RARB: variants seen among roughly 807,000 people sequenced by gnomAD.
The protein encoded by RARB is HBV-activated protein.
RARB carries 17 observed loss-of-function variants against 51.9 expected under a neutral mutation model. That is an observed-to-expected ratio of 0.33 (90% CI 0.22 to 0.49). RARB has a LOEUF of 0.49. Ranked by LOEUF, RARB falls within the 20% of genes least tolerant of loss-of-function variation. RARB has a pLI of 0.99. For missense variants in RARB, 369 were observed against 550.8 expected, an observed-to-expected ratio of 0.67 and a Z score of 3.30; for synonymous variants, 215 against 195.4, an observed-to-expected ratio of 1.10 and a Z score of -0.84.
chr3:25,447,249 G>A (rs1360113383), intron 1 of RARB, among the ~76,000 whole-genome samples: 3 of 151,498 alleles, frequency 2.0e-5, no homozygotes, highest in Non-Finnish European at 4.4e-5. Context: ...AACACTGATT[G>A]AACTTTTGAT....
chr3:25,180,646 G>C (rs564779782), intron 5 of RARB, among the ~76,000 whole-genome samples: 2 of 152,322 alleles, frequency 1.3e-5, no homozygotes, highest in Admixed American at 1.3e-4. Flanking sequence ...CTTATGCCTT[G>C]TCACTGACGT....
chr3:24,900,279 T>G (rs1302936863), intron 2 of RARB, among the ~76,000 whole-genome samples: 2 of 144,710 alleles, frequency 1.4e-5, no homozygotes, highest in Non-Finnish European at 2.9e-5. Context: ...GAATTGTTTT[T>G]CCTTTGTAAA....
intron 2 of RARB, among the ~76,000 whole-genome samples, chr3:24,876,848 T>C (rs940806213): frequency 5.9e-5 from 9 of 152,182 alleles, no homozygotes; most frequent in African/African-American, 2.2e-4. Context: ...ATTTATCAGA[T>C]ATTTACTATT....
chr3:24,863,673 G>A (rs1025383596), intron 2 of RARB, among the ~76,000 whole-genome samples: 2 of 151,738 alleles, frequency 1.3e-5, no homozygotes, highest in Non-Finnish European at 2.9e-5. Context: ...ACTGACTAGG[G>A]GAGGCGGAAA....
In RARB at chr3:25,037,815, G is replaced by T. The variant is rs147973658; in HGVS notation, c.-379-22310G>T. Reference sequence around the variant, plus strand: ...TGAACTTACAACAGGGAAGTACAAGGTGTCCTTTGTGTTGGGGACCTTAGC... The same window carrying T: ...TGAACTTACAACAGGGAAGTACAAGTTGTCCTTTGTGTTGGGGACCTTAGC... On this transcript the variant is annotated intron_variant, in intron 2 of 11. Transcript: ENST00000383772. Among the ~76,000 whole-genome samples the T allele has an allele frequency of 7.9e-5, 12 of 152,260 alleles. No homozygotes were observed. In the East Asian group the frequency reaches 1.7e-3, roughly 22 times the overall value.
intron 1 of RARB, among the ~76,000 whole-genome samples, chr3:25,451,123 C>G (rs9869928): frequency 0.074 from 11,189 of 152,066 alleles, 582 homozygotes; most frequent in Admixed American, 0.13. Context: ...AAAACCCTGC[C>G]CTAGATTAAG....
In RARB at chr3:25,062,605, T is replaced by C. The variant is rs1283966271; in HGVS notation, c.-328+2429T>C. ...ATAATGAAATATAAGTATTGATACT[T>C]GCTATAACCTGGATAAACCTTGAGA... is the stretch of plus-strand genomic sequence containing the variant. On this transcript the variant is annotated intron_variant, in intron 3 of 11. Coordinates refer to the RARB transcript ENST00000383772. 5.3e-5 allele frequency among the ~76,000 whole-genome samples: 8 copies of C among 152,062 alleles called. No individual in the cohort carries two copies. The South Asian group carries it at 1.2e-3, about 24-fold the overall frequency.
chr3:24,953,483 A>G (rs1269948747), intron 2 of RARB, among the ~76,000 whole-genome samples: 1 of 152,140 alleles, frequency 6.6e-6, no homozygotes, highest in East Asian at 1.9e-4. Flanking sequence ...TTAAGAAAGG[A>G]CTGAGCACTT....
At chr3:25,239,789 T>G (rs372326521) in intron 5 of RARB, among the ~76,000 whole-genome samples, 66 of 152,250 alleles carry the variant, frequency 4.3e-4, no homozygotes, top group African/African-American at 1.4e-3. Context: ...TTCAGGCTCT[T>G]TTTTGGTTCC....
At chr3:25,118,591 C>A (rs1298537177) in intron 3 of RARB, among the ~76,000 whole-genome samples, 2 of 152,050 alleles carry the variant, frequency 1.3e-5, no homozygotes, top group African/African-American at 4.8e-5. Context: ...GGTTATATTC[C>A]TTGAGAAGTA....
chr3:25,535,510 A>G (rs1436091497), intron 3 of RARB, among the ~76,000 whole-genome samples: 3 of 151,066 alleles, frequency 2.0e-5, no homozygotes. Flanking sequence ...TGCTGCACCC[A>G]TCAGCCCCTC....
chr3:25,238,156 C>G (rs74278573), intron 5 of RARB, among the ~76,000 whole-genome samples: 25 of 151,982 alleles, frequency 1.6e-4, no homozygotes, highest in Non-Finnish European at 2.4e-4. Context: ...CAGCGCCCCC[C>G]CACACATCCT....
chr3:25,501,388 C>T, intron 3 of RARB, 65 bp downstream of exon 3: 2 of 1,578,854 alleles, frequency 1.3e-6, no homozygotes, highest in Non-Finnish European at 1.7e-6. Context: ...TCACCTTCCA[C>T]AGTCATGTGG....
At chr3:25,522,582 T>A (rs554969042) in intron 3 of RARB, among the ~76,000 whole-genome samples, 1 of 152,094 alleles carries the variant, frequency 6.6e-6, no homozygotes, top group African/African-American at 2.4e-5. Context: ...CCTGCTTGTT[T>A]GAGAGCAAAT....
chr3:25,575,019 G>A (rs1350767719), intron 4 of RARB, among the ~76,000 whole-genome samples: 1 of 152,142 alleles, frequency 6.6e-6, no homozygotes, highest in Non-Finnish European at 1.5e-5. Context: ...AAACACACCT[G>A]TGCTGCCAGT....
intron 3 of RARB, among the ~76,000 whole-genome samples, chr3:25,102,806 C>T (rs145015291): frequency 1.8e-4 from 28 of 152,218 alleles, no homozygotes; most frequent in Non-Finnish European, 3.8e-4. Context: ...AATCCCAGCA[C>T]TTTGGGAGTC....
intron 5 of RARB, among the ~76,000 whole-genome samples, chr3:25,276,091 C>T (rs1215137145): frequency 6.6e-6 from 1 of 152,164 alleles, no homozygotes; most frequent in East Asian, 1.9e-4. Flanking sequence ...GTGATGTTTA[C>T]ATCATGGGGA....
chr3:24,939,801 AT>A (rs1695621957), intron 2 of RARB, among the ~76,000 whole-genome samples: 1 of 152,214 alleles, frequency 6.6e-6, no homozygotes, highest in Non-Finnish European at 1.5e-5. Flanking sequence ...GCACCCTATA[AT>A]GCATTCTACA....
At chr3:25,113,093 T>A (rs1699630372) in intron 3 of RARB, among the ~76,000 whole-genome samples, 1 of 152,204 alleles carries the variant, frequency 6.6e-6, no homozygotes, top group South Asian at 2.1e-4. Context: ...TTATCTGTCA[T>A]TTGCTTTATT....
Sources: gnomAD v4.1 joint callset for allele counts (sites outside exome capture counted in the v4.1 genomes callset) on GRCh38, gnomAD v4.1.1 for gene constraint, MANE v1.5 for transcripts, NCBI Gene and HGNC (gene_info 2026-07-23, HGNC 2026-07-21) for gene names.